Variants in AFF3 observed in about 807,000 individuals in gnomAD.
The protein encoded by AFF3 is ALF transcription elongation factor 3, also known as AF4/FMR2 family member 3.
In AFF3, 32 loss-of-function variants were observed where a neutral mutation model predicts 129.7. The ratio of observed to expected loss-of-function variants is 0.25; its 90% confidence interval spans 0.19 to 0.33. The LOEUF (loss-of-function observed/expected upper bound fraction) is 0.33. Ranked by LOEUF, AFF3 falls within the 10% of genes least tolerant of loss-of-function variation. The pLI is 1.00. For synonymous variants in AFF3, 644 were observed against 635.4 expected (o/e 1.01, Z -0.20); for missense variants, 1,373 against 1,592.0 (o/e 0.86, Z 2.34).
chr2:99,925,476 T>C (rs967954044), intron 7 of AFF3, among the ~76,000 whole-genome samples: 1 of 152,302 alleles, frequency 6.6e-6, no homozygotes, highest in African/African-American at 2.4e-5. Context: ...AAGGACTACA[T>C]ATTAAAGTCT....
intron 24 of AFF3, 67 bp from the exon 25 acceptor site, chr2:99,551,662 G>A (rs982527741): frequency 3.8e-6 from 6 of 1,590,944 alleles, no homozygotes; most frequent in Non-Finnish European, 4.3e-6. Flanking sequence ...AGCAACTGAT[G>A]TAAGGAAAAA....
intron 10 of AFF3, among the ~76,000 whole-genome samples, chr2:99,735,813 T>G (rs193069943): frequency 1.3e-5 from 2 of 152,332 alleles, no homozygotes; most frequent in Non-Finnish European, 2.9e-5. Flanking sequence ...GTATTTCAGA[T>G]GCAAAGCTGC....
chr2:99,986,883 T>A (rs1439296596), intron 7 of AFF3, among the ~76,000 whole-genome samples: 1 of 152,188 alleles, frequency 6.6e-6, no homozygotes, highest in African/African-American at 2.4e-5. Context: ...TAGGAAGGCA[T>A]TAGAGGGCCT....
At chr2:100,035,179 A>T (rs1684804713) in intron 4 of AFF3, among the ~76,000 whole-genome samples, 1 of 152,246 alleles carries the variant, frequency 6.6e-6, no homozygotes, top group African/African-American at 2.4e-5. Flanking sequence ...AAAGTGGCAC[A>T]TGCTTTGAAG....
intron 4 of AFF3, among the ~76,000 whole-genome samples, chr2:100,083,843 G>A (rs978815734): frequency 8.5e-5 from 13 of 152,092 alleles, no homozygotes; most frequent in Non-Finnish European, 1.9e-4. Context: ...CAGAGAGGGA[G>A]AGAAGGGAGT....
At chr2:99,901,052 G>GC (rs1694310604) in intron 7 of AFF3, among the ~76,000 whole-genome samples, 1 of 152,236 alleles carries the variant, frequency 6.6e-6, no homozygotes, top group South Asian at 2.1e-4. Flanking sequence ...GTGCGTACAT[G>GC]CATGTGTGCA....
chr2:99,637,511 G>C (rs1165331576), intron 13 of AFF3, among the ~76,000 whole-genome samples: 1 of 152,086 alleles, frequency 6.6e-6, no homozygotes, highest in Non-Finnish European at 1.5e-5. Context: ...ATGAGAATGG[G>C]GACGACATAT....
chr2:100,083,886 G>T (rs1689221733), intron 4 of AFF3, among the ~76,000 whole-genome samples: 1 of 152,092 alleles, frequency 6.6e-6, no homozygotes, highest in Admixed American at 6.6e-5. Context: ...ACCAGCCACT[G>T]AACAAAGTGC....
At chr2:99,901,866 C>CA (rs1694366406) in intron 7 of AFF3, among the ~76,000 whole-genome samples, 1 of 152,084 alleles carries the variant, frequency 6.6e-6, no homozygotes, top group African/African-American at 2.4e-5. Context: ...GAGCAGAAGG[C>CA]CAACTGCTTG....
chr2:99,641,973 T>G (rs1684243673), intron 13 of AFF3, among the ~76,000 whole-genome samples: 1 of 152,176 alleles, frequency 6.6e-6, no homozygotes, highest in African/African-American at 2.4e-5. Context: ...GGTAATGAAT[T>G]TTTGTGTCTT....
chr2:99,686,558 G>C (rs1234096745), intron 11 of AFF3, among the ~76,000 whole-genome samples: 1 of 152,156 alleles, frequency 6.6e-6, no homozygotes, highest in Non-Finnish European at 1.5e-5. Flanking sequence ...TGAAGAGTTG[G>C]TAAGATTTGA....
chr2:99,890,313 A>C (rs757174617), intron 7 of AFF3, among the ~76,000 whole-genome samples: 6 of 152,220 alleles, frequency 3.9e-5, no homozygotes, highest in Non-Finnish European at 7.3e-5. Context: ...AGGCTCTGTC[A>C]TTAGGTGTAC....
chr2:99,742,810 G>A (rs1680827635), intron 10 of AFF3, among the ~76,000 whole-genome samples: 1 of 152,236 alleles, frequency 6.6e-6, no homozygotes, highest in Non-Finnish European at 1.5e-5. Context: ...GTGAAATACT[G>A]TAAGTCAGGA....
chr2:100,042,927 C>T (rs13402289), intron 4 of AFF3, among the ~76,000 whole-genome samples: 24,851 of 151,918 alleles, frequency 0.16, 2,211 homozygotes, highest in East Asian at 0.29. Flanking sequence ...GTCTATAATT[C>T]GTACTGATGT....
chr2:99,650,457 G>A (rs1237805403), intron 12 of AFF3, among the ~76,000 whole-genome samples: 2 of 152,178 alleles, frequency 1.3e-5, no homozygotes, highest in Admixed American at 6.5e-5. Context: ...GACTCAGGAG[G>A]CTGAGGCAAG....
At chr2:99,780,559 T>C (rs1684321506) in intron 8 of AFF3, among the ~76,000 whole-genome samples, 1 of 152,228 alleles carries the variant, frequency 6.6e-6, no homozygotes, top group African/African-American at 2.4e-5. Context: ...CTTGTGCATC[T>C]AACTGCTTCC....
chr2:99,662,970 G>T (rs899000990), intron 12 of AFF3, among the ~76,000 whole-genome samples: 1 of 152,164 alleles, frequency 6.6e-6, no homozygotes, highest in Non-Finnish European at 1.5e-5. Flanking sequence ...ATTTTCACAG[G>T]CCAAGAGCGT....
At chr2:99,970,133 C>T (rs1678213626) in intron 7 of AFF3, among the ~76,000 whole-genome samples, 2 of 152,108 alleles carry the variant, frequency 1.3e-5, no homozygotes, top group Non-Finnish European at 2.9e-5. Context: ...AAAGCACAGA[C>T]GCAAAAAGAT....
intron 7 of AFF3, among the ~76,000 whole-genome samples, chr2:99,982,449 C>G (rs753536715): frequency 6.6e-6 from 1 of 152,202 alleles, no homozygotes; most frequent in African/African-American, 2.4e-5. Flanking sequence ...GTCTATTAAA[C>G]CTCTTCGTTT....
Sources: allele counts gnomAD v4.1 joint callset (sites outside exome capture counted in the v4.1 genomes callset), GRCh38; gene constraint gnomAD v4.1.1; transcripts MANE v1.5; gene names NCBI Gene and HGNC (gene_info 2026-07-23, HGNC 2026-07-21).